The following CACNB4 variants were observed in gnomAD, a reference collection of about 807,000 sequenced individuals.
CACNB4 encodes calcium voltage-gated channel auxiliary subunit beta 4, also known as voltage-dependent L-type calcium channel subunit beta-4.
In CACNB4, 32 loss-of-function variants were observed where a neutral mutation model predicts 71.2. The ratio of observed to expected loss-of-function variants is 0.45; its 90% confidence interval spans 0.34 to 0.60. The LOEUF (loss-of-function observed/expected upper bound fraction) is 0.60, where lower values mean the gene tolerates loss of function less well. Ranked by LOEUF, CACNB4 falls within the 20% of genes least tolerant of loss-of-function variation. The pLI, the probability that CACNB4 is intolerant of heterozygous loss-of-function variation, is 0.01. For missense variants in CACNB4, 464 were observed against 647.9 expected (o/e 0.72, Z 3.08); for synonymous variants, 231 against 236.9 (o/e 0.97, Z 0.23).
intron 2 of CACNB4, among the ~76,000 whole-genome samples, chr2:151,912,101 A>G (rs994974516): frequency 6.7e-5 from 10 of 149,852 alleles, no homozygotes; most frequent in African/African-American, 2.5e-4. Flanking sequence ...CTATTTGTTA[A>G]TTTTTTCAAA....
At chr2:152,004,061 C>A (rs1252353876) in intron 2 of CACNB4, among the ~76,000 whole-genome samples, 1 of 152,134 alleles carries the variant, frequency 6.6e-6, no homozygotes, top group Non-Finnish European at 1.5e-5. Flanking sequence ...CTCAAGTGAT[C>A]CTCCTGCCTC....
intron 2 of CACNB4, among the ~76,000 whole-genome samples, chr2:151,941,523 C>A (rs2099864245): frequency 6.6e-6 from 1 of 151,850 alleles, no homozygotes; most frequent in African/African-American, 2.4e-5. Flanking sequence ...CTCAGGTGAT[C>A]CGCCTACCTC....
At chr2:151,929,952 T>C (rs1449357056) in intron 2 of CACNB4, among the ~76,000 whole-genome samples, 1 of 152,102 alleles carries the variant, frequency 6.6e-6, no homozygotes, top group East Asian at 1.9e-4. Flanking sequence ...AAATTTAATA[T>C]AATCATAATC....
intron 9 of CACNB4, chr2:151,868,507 T>C (rs1311157203): frequency 6.6e-6 from 1 of 152,144 alleles, no homozygotes; most frequent in Admixed American, 6.5e-5. Flanking sequence ...AAACTTTCTT[T>C]AGAATTTTTC....
At chr2:151,849,972 C>T (rs751606387) in intron 12 of CACNB4, among the ~76,000 whole-genome samples, 11 of 152,036 alleles carry the variant, frequency 7.2e-5, no homozygotes, top group South Asian at 6.2e-4. Flanking sequence ...CTTTCCTGCT[C>T]GAGAGCAGAG....
At chr2:151,991,572 G>GA (rs1681706107) in intron 2 of CACNB4, among the ~76,000 whole-genome samples, 1 of 152,128 alleles carries the variant, frequency 6.6e-6, no homozygotes. Flanking sequence ...GCCAAAAACT[G>GA]AAAAATGGGG....
chr2:152,085,275 T>C (rs911708370), intron 2 of CACNB4, among the ~76,000 whole-genome samples: 12 of 151,886 alleles, frequency 7.9e-5, no homozygotes, highest in African/African-American at 2.9e-4. Context: ...TCCGGGGAGA[T>C]GGGAGCACGG....
intron 2 of CACNB4, among the ~76,000 whole-genome samples, chr2:151,904,090 G>GA (rs1388032960): frequency 1.3e-5 from 2 of 152,084 alleles, no homozygotes; most frequent in African/African-American, 4.8e-5. Context: ...GTTCAATAGA[G>GA]AAAAAAACGC....
chr2:151,984,356 A>G (rs926592009), intron 2 of CACNB4, among the ~76,000 whole-genome samples: 15 of 152,182 alleles, frequency 9.9e-5, no homozygotes, highest in African/African-American at 3.6e-4. Context: ...CTTAATGAGA[A>G]ATTATGAGCT....
intron 5 of CACNB4, chr2:151,872,730 G>C: frequency 2.9e-6 from 1 of 345,340 alleles, no homozygotes; most frequent in South Asian, 3.9e-5. Flanking sequence ...TAGTTACTCA[G>C]TGCGGAAATC....
intron 2 of CACNB4, among the ~76,000 whole-genome samples, chr2:151,916,484 GA>G (rs5835387): frequency 0.93 from 141,901 of 152,062 alleles, 66,519 homozygotes; most frequent in East Asian, 0.99. Flanking sequence ...TTCCATTTAT[GA>G]AAAAAAAAGA....
chr2:152,055,870 C>A (rs1457740046), intron 2 of CACNB4, among the ~76,000 whole-genome samples: 1 of 152,098 alleles, frequency 6.6e-6, no homozygotes, highest in African/African-American at 2.4e-5. Context: ...AAAGAGCAGT[C>A]AAGGCACAGC....
At chr2:152,063,134 T>C (rs1313955540) in intron 2 of CACNB4, among the ~76,000 whole-genome samples, 2 of 152,222 alleles carry the variant, frequency 1.3e-5, no homozygotes, top group Non-Finnish European at 2.9e-5. Context: ...TTATTGCACA[T>C]ATATTGGTAA....
At chr2:151,961,811 A>G (rs2099869726) in intron 2 of CACNB4, among the ~76,000 whole-genome samples, 1 of 152,164 alleles carries the variant, frequency 6.6e-6, no homozygotes, top group Non-Finnish European at 1.5e-5. Flanking sequence ...GGATCACTTC[A>G]GCCCAGGAGG....
intron 2 of CACNB4, among the ~76,000 whole-genome samples, chr2:151,996,930 G>GA (rs35096428): frequency 0.47 from 71,508 of 151,690 alleles, 19,961 homozygotes; most frequent in Non-Finnish European, 0.63. Flanking sequence ...TGGTGTTTAA[G>GA]AAAAAAAATA....
rs1309318315 is a variant in CACNB4, at chr2:151,853,475, T to G, written c.1089A>C (p.Ala363=). 6.3e-7 allele frequency: 1 copy of G among 1,598,520 alleles called. No homozygotes were observed. The highest frequency in any genetic ancestry group is 8.5e-7 in the Non-Finnish European group (1 of 1,173,016). The change falls in exon 12 of 14, where the codon GCA becomes GCC. Residue 363 remains alanine, a synonymous_variant. Coordinates refer to ENST00000539935, the MANE Select transcript of CACNB4 (RefSeq NM_000726.5). ...GGGGGCATTGTGCAAGTTTATCAGC[T>G]GCCACCAGTTGAACATTCAAGTGTT... is the stretch of plus-strand genomic sequence containing the variant. ...QSKHLNVQLV[A]ADKLAQCPPE...
At chr2:152,065,240 T>C (rs778591431) in intron 2 of CACNB4, among the ~76,000 whole-genome samples, 1 of 152,078 alleles carries the variant, frequency 6.6e-6, no homozygotes, top group Non-Finnish European at 1.5e-5. Context: ...AAAAATTAGC[T>C]GGGTGTGGTG....
chr2:151,978,384 C>T (rs1446987559), intron 2 of CACNB4, among the ~76,000 whole-genome samples: 1 of 152,030 alleles, frequency 6.6e-6, no homozygotes, highest in Non-Finnish European at 1.5e-5. Flanking sequence ...GCTCCAAGGG[C>T]CCCATGCACC....
intron 2 of CACNB4, among the ~76,000 whole-genome samples, chr2:152,068,002 G>A (rs1044248681): frequency 2.6e-5 from 4 of 152,224 alleles, no homozygotes; most frequent in African/African-American, 9.6e-5. Flanking sequence ...CTCCTTGACA[G>A]TGTTTAGGTT....
Sources: allele counts gnomAD v4.1 joint callset (sites outside exome capture counted in the v4.1 genomes callset), GRCh38; gene constraint gnomAD v4.1.1; transcripts MANE v1.5; gene names NCBI Gene and HGNC (gene_info 2026-07-23, HGNC 2026-07-21).